Variants in ADAMTS17 observed in about 807,000 individuals in gnomAD.
ADAMTS17 encodes the protein A disintegrin and metalloproteinase with thrombospondin motifs 17.
Under a neutral mutation model 141.5 loss-of-function variants are expected in ADAMTS17, and 113 were observed. That is an observed-to-expected ratio of 0.80 (90% confidence interval 0.69 to 0.93). The LOEUF (loss-of-function observed/expected upper bound fraction) is 0.93. ADAMTS17 is among the 40% of genes least tolerant of loss of function. The pLI is 0.00. For missense variants in ADAMTS17, 1,659 were observed against 1,517.9 expected, an observed-to-expected ratio of 1.09 and a Z score of -1.54; for synonymous variants, 768 against 630.6, an observed-to-expected ratio of 1.22 and a Z score of -3.27.
chr15:100,223,651 TCACA>T (rs927426426), intron 7 of ADAMTS17, among the ~76,000 whole-genome samples: 1 of 150,900 alleles, frequency 6.6e-6, no homozygotes, highest in Admixed American at 6.6e-5. Context: ...AGATAGAACT[TCACA>T]CACACACACC....
intron 4 of ADAMTS17, among the ~76,000 whole-genome samples, chr15:100,273,609 T>C (rs959668278): frequency 1.3e-5 from 2 of 152,194 alleles, no homozygotes; most frequent in African/African-American, 4.8e-5. Context: ...CTAAGGTTTG[T>C]CAATTTTCTT....
chr15:100,106,439 T>C (rs1048767919), intron 14 of ADAMTS17, among the ~76,000 whole-genome samples: 2 of 152,234 alleles, frequency 1.3e-5, no homozygotes, highest in African/African-American at 4.8e-5. Context: ...TGGAGCAGCA[T>C]TTTCTCTTTG....
chr15:100,334,589 GC>G (rs1310684455), intron 2 of ADAMTS17, among the ~76,000 whole-genome samples: 9 of 152,006 alleles, frequency 5.9e-5, no homozygotes, highest in African/African-American at 2.2e-4. Flanking sequence ...CTCCCGTCCT[GC>G]CCCCCGACTC....
At chr15:100,042,740 A>C (rs911377995) in intron 18 of ADAMTS17, among the ~76,000 whole-genome samples, 1 of 152,176 alleles carries the variant, frequency 6.6e-6, no homozygotes, top group Non-Finnish European at 1.5e-5. Flanking sequence ...GGACAAGGGG[A>C]TGATTCACGT....
At chr15:100,202,766 C>T (rs894947585) in intron 7 of ADAMTS17, among the ~76,000 whole-genome samples, 1 of 152,180 alleles carries the variant, frequency 6.6e-6, no homozygotes. Context: ...TGGTGCTTGT[C>T]AAGAAATGAG....
intron 18 of ADAMTS17, among the ~76,000 whole-genome samples, chr15:100,009,739 T>C (rs890391957): frequency 6.6e-6 from 1 of 152,232 alleles, no homozygotes; most frequent in African/African-American, 2.4e-5. Flanking sequence ...GGACAGTCTA[T>C]GTGGACGGTC....
At position 99,997,611 on chromosome 15, in the gene ADAMTS17, A is replaced by G; in HGVS notation, c.2592-22T>C. ...CCACCTGCCAGACGGGAGGAAAGAGAGAGAGAACGACTGGGTGAGAGGCCA... is the reference window on the plus strand; with the variant it reads ...CCACCTGCCAGACGGGAGGAAAGAGGGAGAGAACGACTGGGTGAGAGGCCA... On this transcript the variant is annotated intron_variant, in intron 18 of 21. Transcript: ENST00000268070. This position sits in a 1 kb window ranked among gnomAD's most constrained non-coding sequence, Gnocchi z 4.7. 6.2e-7 allele frequency: 1 copy of G among 1,612,048 alleles called. No homozygotes were observed. Among genetic ancestry groups the G allele is most frequent in the Non-Finnish European group, 8.5e-7 (1 of 1,179,770 alleles).
intron 8 of ADAMTS17, among the ~76,000 whole-genome samples, chr15:100,173,725 C>T (rs1306426801): frequency 1.3e-5 from 2 of 152,236 alleles, no homozygotes; most frequent in Admixed American, 6.5e-5. Context: ...GCTATTACTG[C>T]TGGCTGCATG....
At chr15:100,285,687 A>T (rs1178327956) in intron 3 of ADAMTS17, among the ~76,000 whole-genome samples, 1 of 152,178 alleles carries the variant, frequency 6.6e-6, no homozygotes, top group Non-Finnish European at 1.5e-5. Flanking sequence ...GCTGCAGGAG[A>T]TCCCATGACC....
At position 100,249,477 on chromosome 15, in the gene ADAMTS17, G is replaced by A. The variant is rs573493928; in HGVS notation, c.1075+4659C>T. On this transcript the variant is annotated intron_variant, in intron 7 of 21. Coordinates refer to ENST00000268070, the MANE Select transcript of ADAMTS17 (RefSeq NM_139057.4). ...TCTCCCTCACTCCAGTGCAGGTGGG[G>A]TGGGGAGGGGCAGACCACAGGACCC... 1.1e-3 allele frequency among the ~76,000 whole-genome samples: 160 copies of A among 152,334 alleles called. 1 individual carries two copies. Among genetic ancestry groups the A allele is most frequent in the Non-Finnish European group, 1.9e-3 (128 of 68,030 alleles).
intron 3 of ADAMTS17, among the ~76,000 whole-genome samples, chr15:100,298,962 C>A (rs952491039): frequency 6.6e-6 from 1 of 152,184 alleles, no homozygotes; most frequent in Non-Finnish European, 1.5e-5. Context: ...TGTTCCAGGC[C>A]TCTCTCCTTT....
chr15:100,265,475 T>A (rs1477155865), intron 4 of ADAMTS17, among the ~76,000 whole-genome samples: 3 of 152,222 alleles, frequency 2.0e-5, no homozygotes, highest in African/African-American at 7.2e-5. Context: ...CAGTCCTGGC[T>A]GCGTTTGTCA....
chr15:100,328,487 C>T (rs762597612), intron 3 of ADAMTS17, among the ~76,000 whole-genome samples: 1 of 152,144 alleles, frequency 6.6e-6, no homozygotes, highest in Non-Finnish European at 1.5e-5. Context: ...GCACATTACT[C>T]CCGCACCAAA....
At chr15:100,082,448 T>C (rs1031483910) in intron 15 of ADAMTS17, among the ~76,000 whole-genome samples, 1 of 151,650 alleles carries the variant, frequency 6.6e-6, no homozygotes, top group African/African-American at 2.4e-5. Flanking sequence ...TGGCGTGATC[T>C]CAGCTAACTG....
At chr15:100,210,395 C>A (rs1040876182) in intron 7 of ADAMTS17, among the ~76,000 whole-genome samples, 1 of 152,152 alleles carries the variant, frequency 6.6e-6, no homozygotes, top group African/African-American at 2.4e-5. Flanking sequence ...TTTATCCACA[C>A]CACCACTTGG....
chr15:100,327,565 T>G (rs984789459), intron 3 of ADAMTS17, among the ~76,000 whole-genome samples: 1 of 152,210 alleles, frequency 6.6e-6, no homozygotes, highest in African/African-American at 2.4e-5. Context: ...GAGAGGAAGA[T>G]TCATAGTTAC....
chr15:100,320,502 A>T (rs2141902933), intron 3 of ADAMTS17, among the ~76,000 whole-genome samples: 1 of 152,346 alleles, frequency 6.6e-6, no homozygotes, highest in East Asian at 1.9e-4. Context: ...GTGAAGACTC[A>T]ACCTAGGATT....
intron 11 of ADAMTS17, among the ~76,000 whole-genome samples, chr15:100,132,747 G>A (rs555694789): frequency 6.6e-6 from 1 of 152,320 alleles, no homozygotes; most frequent in Admixed American, 6.5e-5. Flanking sequence ...TAAGACTGGA[G>A]AGAGGTCCTG....
In ADAMTS17 at chr15:100,088,861, A is replaced by G. The variant is rs146712278; in HGVS notation, c.2137+7495T>C. Among the ~76,000 whole-genome samples the G allele has an allele frequency of 8.1e-3, 1,114 of 137,166 alleles. 12 individuals are homozygous for G. Among genetic ancestry groups the G allele is most frequent in the African/African-American group, 0.033 (1,066 of 31,948 alleles). 90.0% of individuals were successfully genotyped at this position (137,166 alleles called of 152,430 possible). Reference sequence around the variant, plus strand: ...AATTCAAGATGGATTAAAAACTTACATGTGAGACCTAAACCAGAAAAACCC... The same window carrying G: ...AATTCAAGATGGATTAAAAACTTACGTGTGAGACCTAAACCAGAAAAACCC... On this transcript the variant is annotated intron_variant, in intron 15 of 21. Transcript: ENST00000268070.
Sources: gnomAD v4.1 joint callset for allele counts (sites outside exome capture counted in the v4.1 genomes callset) on GRCh38, gnomAD v4.1.1 for gene constraint, Gnocchi (gnomAD v3.1) non-coding constraint, MANE v1.5 for transcripts, NCBI Gene and HGNC (gene_info 2026-07-23, HGNC 2026-07-21) for gene names.